The following C8orf34 variants were observed in gnomAD, a reference collection of about 807,000 sequenced individuals.
The protein encoded by C8orf34 is uncharacterized protein C8orf34.
C8orf34 carries 65 observed loss-of-function variants against 68.3 expected under a neutral mutation model. The observed-to-expected ratio is 0.95, with a 90% CI of 0.78 to 1.17. C8orf34 has a LOEUF of 1.17. Among genes scored for constraint, C8orf34 ranks in the 50% most tolerant of loss-of-function variants. The pLI is 0.00. For missense variants in C8orf34, 664 were observed against 655.4 expected, an observed-to-expected ratio of 1.01 and a Z score of -0.14; for synonymous variants, 244 against 241.2, an observed-to-expected ratio of 1.01 and a Z score of -0.11.
intron 7 of C8orf34, among the ~76,000 whole-genome samples, chr8:68,608,848 C>G (rs1015114356): frequency 6.6e-6 from 1 of 151,958 alleles, no homozygotes; most frequent in African/African-American, 2.4e-5. Flanking sequence ...GTTAATAGTA[C>G]GGATGAAGTG....
chr8:68,377,995 A>G (rs1007923999), intron 1 of C8orf34, among the ~76,000 whole-genome samples: 1 of 152,120 alleles, frequency 6.6e-6, no homozygotes, highest in Non-Finnish European at 1.5e-5. Context: ...CTATGACAAG[A>G]GAAGTGTGGG....
At chr8:68,688,939 C>T (rs2130900316) in intron 8 of C8orf34, among the ~76,000 whole-genome samples, 1 of 152,130 alleles carries the variant, frequency 6.6e-6, no homozygotes, top group African/African-American at 2.4e-5. Flanking sequence ...ACACATTTAC[C>T]TATGTAATGA....
intron 5 of C8orf34, among the ~76,000 whole-genome samples, chr8:68,518,670 C>T (rs1195773971): frequency 1.3e-5 from 2 of 151,914 alleles, no homozygotes; most frequent in Non-Finnish European, 2.9e-5. Flanking sequence ...GGCCAAGGTG[C>T]GTGGATCACA....
At chr8:68,794,503 A>T (rs1224798891) in intron 12 of C8orf34, among the ~76,000 whole-genome samples, 8,957 of 77,592 alleles carry the variant, frequency 0.12, 675 homozygotes, top group Non-Finnish European at 0.14. Flanking sequence ...ATATATATAT[A>T]TATTTTTTTT....
At position 68,773,188 on chromosome 8, in the gene C8orf34, G is replaced by A. The variant is rs529938723; in HGVS notation, c.1405-3211G>A. Among the ~76,000 whole-genome samples the A allele has an allele frequency of 2.0e-4, 31 of 152,128 alleles. No homozygotes were observed. The South Asian group carries it at 6.5e-3, about 32-fold the overall frequency. ...CAGTGAGAGGGAGGAGGGAATGCTG[G>A]CATTTCACTGGTCTGGTGTTGGAAA... On this transcript the variant is annotated intron_variant, in intron 10 of 13. Coordinates refer to ENST00000518698, the MANE Select transcript of C8orf34 (RefSeq NM_052958.4).
chr8:68,807,979 A>G (rs907452414), intron 12 of C8orf34, among the ~76,000 whole-genome samples: 1 of 150,204 alleles, frequency 6.7e-6, no homozygotes, highest in African/African-American at 2.4e-5. Flanking sequence ...TTACAACTCC[A>G]CTTTTTTTTT....
At chr8:68,454,938 T>A (rs1206090389) in intron 3 of C8orf34, among the ~76,000 whole-genome samples, 2 of 151,840 alleles carry the variant, frequency 1.3e-5, no homozygotes, top group South Asian at 4.1e-4. Context: ...AGGTTCGGTA[T>A]GTTGTTTTCA....
At chr8:68,473,209 CTT>C (rs1303146660) in intron 4 of C8orf34, among the ~76,000 whole-genome samples, 1 of 152,092 alleles carries the variant, frequency 6.6e-6, no homozygotes, top group Non-Finnish European at 1.5e-5. Flanking sequence ...AGTTCTCTCT[CTT>C]GTAAGAGAGA....
chr8:68,421,119 C>T (rs1809950306), intron 1 of C8orf34, among the ~76,000 whole-genome samples: 1 of 152,032 alleles, frequency 6.6e-6, no homozygotes, highest in African/African-American at 2.4e-5. Flanking sequence ...GGTAAAATTG[C>T]AAATTACAAA....
chr8:68,340,148 A>G (rs1456832251), intron 1 of C8orf34, among the ~76,000 whole-genome samples: 2 of 152,108 alleles, frequency 1.3e-5, no homozygotes, highest in Non-Finnish European at 2.9e-5. Flanking sequence ...GAACTTTTAT[A>G]TACTGACAGT....
At chr8:68,662,350 C>G (rs559134321) in intron 8 of C8orf34, among the ~76,000 whole-genome samples, 2 of 152,110 alleles carry the variant, frequency 1.3e-5, no homozygotes, top group South Asian at 2.1e-4. Flanking sequence ...AAAGGGGGTA[C>G]AAGACATTGA....
chr8:68,349,636 A>G (rs909932887), intron 1 of C8orf34, among the ~76,000 whole-genome samples: 6 of 151,912 alleles, frequency 3.9e-5, no homozygotes, highest in Non-Finnish European at 7.4e-5. Flanking sequence ...GCTGTTTATT[A>G]TGGATTCAAT....
At chr8:68,580,499 A>G (rs1403151652) in intron 7 of C8orf34, among the ~76,000 whole-genome samples, 1 of 152,266 alleles carries the variant, frequency 6.6e-6, no homozygotes, top group East Asian at 1.9e-4. Flanking sequence ...TCTCAGTACA[A>G]TGATAACATT....
At chr8:68,483,561 T>C (rs946437018) in intron 4 of C8orf34, among the ~76,000 whole-genome samples, 2 of 152,180 alleles carry the variant, frequency 1.3e-5, no homozygotes, top group Admixed American at 1.3e-4. Context: ...GCAGGATTTA[T>C]GGTAAGTACC....
intron 7 of C8orf34, among the ~76,000 whole-genome samples, chr8:68,543,355 C>T (rs182482938): frequency 1.6e-4 from 24 of 151,948 alleles, no homozygotes; most frequent in African/African-American, 5.8e-4. Context: ...GTAGAAAGCA[C>T]AGAAATACAG....
At chr8:68,342,906 A>G (rs1806129704) in intron 1 of C8orf34, among the ~76,000 whole-genome samples, 1 of 152,216 alleles carries the variant, frequency 6.6e-6, no homozygotes, top group Admixed American at 6.5e-5. Flanking sequence ...TAATAGGGAA[A>G]GAAAAAAGTC....
chr8:68,695,446 G>A (rs1176795443), intron 8 of C8orf34, among the ~76,000 whole-genome samples: 1 of 152,096 alleles, frequency 6.6e-6, no homozygotes, highest in Non-Finnish European at 1.5e-5. Flanking sequence ...ACCCCACCCA[G>A]CCTGTTTATT....
intron 8 of C8orf34, among the ~76,000 whole-genome samples, chr8:68,671,469 C>G (rs1820007494): frequency 6.6e-6 from 1 of 152,118 alleles, no homozygotes; most frequent in South Asian, 2.1e-4. Context: ...TAAAGGCCAA[C>G]AGAAGTCTTG....
At chr8:68,421,999 C>T (rs1289323689) in intron 1 of C8orf34, among the ~76,000 whole-genome samples, 1 of 152,096 alleles carries the variant, frequency 6.6e-6, no homozygotes, top group Non-Finnish European at 1.5e-5. Context: ...ATGCAGGAAA[C>T]CACCCCCATG....
Sources: allele counts gnomAD v4.1 joint callset (sites outside exome capture counted in the v4.1 genomes callset), GRCh38; gene constraint gnomAD v4.1.1; transcripts MANE v1.5; gene names NCBI Gene and HGNC (gene_info 2026-07-23, HGNC 2026-07-21).